Variants in SPMIP2 observed in about 807,000 individuals in gnomAD.
SPMIP2 encodes protein SPMIP2.
chr4:158,982,778 C>A, the SPMIP2 span, among the ~76,000 whole-genome samples: 2 of 152,108 alleles, frequency 1.3e-5, no homozygotes, highest in African/African-American at 2.4e-5. Flanking sequence ...CAGGAGAGAT[C>A]CAAATTGACA....
the SPMIP2 span, among the ~76,000 whole-genome samples, chr4:159,021,139 C>T: frequency 1.3e-5 from 2 of 150,078 alleles, no homozygotes; most frequent in African/African-American, 4.8e-5. Context: ...TCTGTCACTT[C>T]ATCACACAGA....
the SPMIP2 span, among the ~76,000 whole-genome samples, chr4:158,921,070 G>T: frequency 2.0e-5 from 3 of 152,206 alleles, no homozygotes; most frequent in Admixed American, 6.5e-5. Context: ...AACCTACGTT[G>T]AAATATTGGG....
At chr4:158,975,325 G>A in the SPMIP2 span, among the ~76,000 whole-genome samples, 1 of 152,086 alleles carries the variant, frequency 6.6e-6, no homozygotes, top group Non-Finnish European at 1.5e-5. Context: ...TGTGAATTGT[G>A]GCTTTTGTTA....
chr4:158,977,328 G>T, the SPMIP2 span, among the ~76,000 whole-genome samples: 47,148 of 152,000 alleles, frequency 0.31, 7,537 homozygotes, highest in Middle Eastern at 0.38. Flanking sequence ...TTGGGAGGGG[G>T]TATGTGTCCA....
chr4:158,987,230 C>T, the SPMIP2 span, among the ~76,000 whole-genome samples: 2 of 151,210 alleles, frequency 1.3e-5, no homozygotes, highest in African/African-American at 4.9e-5. Context: ...GTGGCAATTC[C>T]TCAGGGATCT....
At chr4:158,969,476 T>C in the SPMIP2 span, among the ~76,000 whole-genome samples, 2 of 152,296 alleles carry the variant, frequency 1.3e-5, no homozygotes, top group Admixed American at 1.3e-4. Flanking sequence ...TTTATTATTA[T>C]TGCATTGTAA....
At chr4:158,906,020 C>G in the SPMIP2 span, 1 of 152,218 alleles carries the variant, frequency 6.6e-6, no homozygotes. Flanking sequence ...AAAATCAGAA[C>G]TGCTACCTTT....
chr4:158,980,679 A>C, the SPMIP2 span, among the ~76,000 whole-genome samples: 1 of 152,242 alleles, frequency 6.6e-6, no homozygotes, highest in Non-Finnish European at 1.5e-5. Context: ...CAAAAAGGAC[A>C]TCCACTCAGA....
the SPMIP2 span, among the ~76,000 whole-genome samples, chr4:159,075,938 A>T: frequency 6.6e-6 from 1 of 152,110 alleles, no homozygotes; most frequent in Non-Finnish European, 1.5e-5. Flanking sequence ...TGGTGGCACT[A>T]ATTTTTTTTC....
the SPMIP2 span, among the ~76,000 whole-genome samples, chr4:158,923,220 T>G: frequency 6.6e-6 from 1 of 152,202 alleles, no homozygotes; most frequent in Non-Finnish European, 1.5e-5. Flanking sequence ...GTTCTAGGAT[T>G]GTTTCGACTA....
chr4:159,051,669 T>A, the SPMIP2 span, among the ~76,000 whole-genome samples: 2 of 152,268 alleles, frequency 1.3e-5, no homozygotes, highest in East Asian at 3.8e-4. Context: ...ATTCTCATTC[T>A]ACCATTCATT....
At chr4:158,961,888 T>A in the SPMIP2 span, among the ~76,000 whole-genome samples, 1 of 151,996 alleles carries the variant, frequency 6.6e-6, no homozygotes, top group South Asian at 2.1e-4. Flanking sequence ...TCAGATAAAT[T>A]ATTTTTTTTT....
chr4:158,946,762 A>ACTATGAT, the SPMIP2 span, among the ~76,000 whole-genome samples: 1 of 152,164 alleles, frequency 6.6e-6, no homozygotes, highest in Non-Finnish European at 1.5e-5. Flanking sequence ...TGTGGCACCT[A>ACTATGAT]CTATGATTGC....
chr4:158,962,423 T>C, the SPMIP2 span, among the ~76,000 whole-genome samples: 31 of 152,262 alleles, frequency 2.0e-4, no homozygotes, highest in East Asian at 5.8e-3. Flanking sequence ...TTCTCACCCA[T>C]AGAACGAATA....
At chr4:158,904,142 T>TA in the SPMIP2 span, among the ~76,000 whole-genome samples, 1 of 152,200 alleles carries the variant, frequency 6.6e-6, no homozygotes, top group Non-Finnish European at 1.5e-5. Flanking sequence ...TAAAGTATGA[T>TA]ACAATGAAGT....
At chr4:158,912,665 T>C in the SPMIP2 span, among the ~76,000 whole-genome samples, 1 of 152,218 alleles carries the variant, frequency 6.6e-6, no homozygotes, top group Admixed American at 6.5e-5. Flanking sequence ...CCAATTTATT[T>C]TCCCTAAAGA....
the SPMIP2 span, among the ~76,000 whole-genome samples, chr4:158,911,379 T>TAAATAAATAAATAAATA: frequency 2.1e-5 from 3 of 144,512 alleles, no homozygotes; most frequent in African/African-American, 5.2e-5. Context: ...AATAAATAAA[T>TAAATAAATAAATAAATA]AAATAAAATA....
At chr4:158,915,463 AT>A in the SPMIP2 span, 3 of 1,039,814 alleles carry the variant, frequency 2.9e-6, no homozygotes, top group Non-Finnish European at 4.1e-6. Flanking sequence ...ATTTAAGGTG[AT>A]TCTAGCCATG....
the SPMIP2 span, among the ~76,000 whole-genome samples, chr4:158,987,963 T>G: frequency 6.6e-6 from 1 of 152,010 alleles, no homozygotes. Context: ...AGGAGCTGGT[T>G]TTTTGAAAAG....
Sources: allele counts gnomAD v4.1 joint callset (sites outside exome capture counted in the v4.1 genomes callset), GRCh38; gene constraint gnomAD v4.1.1; transcripts MANE v1.5; gene names NCBI Gene and HGNC (gene_info 2026-07-23, HGNC 2026-07-21).